DOCK4: variants seen among roughly 807,000 people sequenced by gnomAD.
DOCK4 encodes dedicator of cytokinesis protein 4.
A neutral mutation model predicts 268.1 loss-of-function variants in DOCK4; 97 were observed. The ratio of observed to expected loss-of-function variants is 0.36; its 90% confidence interval spans 0.31 to 0.43. The LOEUF is 0.43. Ranked by LOEUF, DOCK4 falls within the 20% of genes least tolerant of loss-of-function variation. The pLI is 1.00. For synonymous variants in DOCK4, 954 were observed against 887.2 expected, an observed-to-expected ratio of 1.08 and a Z score of -1.34; for missense variants, 2,145 against 2,455.7, an observed-to-expected ratio of 0.87 and a Z score of 2.67.
At chr7:112,155,893 A>G (rs1166973964) in intron 1 of DOCK4, among the ~76,000 whole-genome samples, 1 of 152,218 alleles carries the variant, frequency 6.6e-6, no homozygotes, top group African/African-American at 2.4e-5. Context: ...ACTGAACAGT[A>G]TATAGTGCAA....
intron 51 of DOCK4, among the ~76,000 whole-genome samples, chr7:111,733,078 GAGTC>G (rs1795214877): frequency 6.6e-6 from 1 of 152,174 alleles, no homozygotes; most frequent in African/African-American, 2.4e-5. Context: ...AACAGGGTGA[GAGTC>G]AGCCACATTT....
chr7:111,739,414 C>T lies in DOCK4; in HGVS notation c.5104G>A (p.Ala1702Thr). Residue 1702 changes from alanine to threonine, a missense_variant, in exon 48 of 53, where the codon GCT becomes ACT. Ala to Thr is a moderately conservative substitution (Grantham distance 58). Coordinates refer to ENST00000428084, the MANE Select transcript of DOCK4 (RefSeq NM_001363540.2). ...CACTGACCTCTGGCACTCGATGGAG[C>T]AGAACTTGTCACATTAGGTGAAGCC... is the stretch of plus-strand genomic sequence containing the variant. ...HSASPNVTSS[A>T]PSSARASPLL... is the part of the protein sequence containing the mutation. The T allele has an allele frequency of 6.3e-7, 1 of 1,585,554 alleles. No homozygotes were observed. The highest frequency in any genetic ancestry group is 8.6e-7 in the Non-Finnish European group (1 of 1,165,966).
intron 1 of DOCK4, among the ~76,000 whole-genome samples, chr7:112,125,268 C>T (rs955199910): frequency 6.6e-6 from 1 of 152,196 alleles, no homozygotes; most frequent in African/African-American, 2.4e-5. Flanking sequence ...GATCCCAAAC[C>T]CTCTCTATCA....
At chr7:111,956,719 C>T (rs1796480550) in intron 8 of DOCK4, among the ~76,000 whole-genome samples, 1 of 152,104 alleles carries the variant, frequency 6.6e-6, no homozygotes, top group Non-Finnish European at 1.5e-5. Context: ...ATGTGACCAC[C>T]TTCTTCTTTC....
At chr7:112,162,827 CT>C (rs1817252336) in intron 1 of DOCK4, among the ~76,000 whole-genome samples, 1 of 152,150 alleles carries the variant, frequency 6.6e-6, no homozygotes, top group Admixed American at 6.5e-5. Context: ...ACGATTTTAT[CT>C]TTTTTATCTA....
intron 8 of DOCK4, among the ~76,000 whole-genome samples, chr7:111,954,735 T>C (rs1026321588): frequency 6.6e-6 from 1 of 152,134 alleles, no homozygotes; most frequent in Non-Finnish European, 1.5e-5. Flanking sequence ...CGTCCTCACA[T>C]GGGGCTGATG....
intron 3 of DOCK4, among the ~76,000 whole-genome samples, chr7:111,998,871 C>T (rs1267323593): frequency 8.0e-6 from 1 of 125,736 alleles, no homozygotes; most frequent in East Asian, 2.9e-4. Flanking sequence ...AAAGGTTCTT[C>T]GTTTTGATGG....
intron 11 of DOCK4, 58 bp downstream of exon 11, chr7:111,940,052 T>G (rs1795080674): frequency 2.5e-6 from 4 of 1,579,832 alleles, no homozygotes; most frequent in Non-Finnish European, 3.5e-6. Flanking sequence ...TTCGCCCAAG[T>G]AGGACCCACA....
chr7:112,186,772 A>G (rs1040674268), intron 1 of DOCK4, among the ~76,000 whole-genome samples: 2 of 152,168 alleles, frequency 1.3e-5, no homozygotes, highest in African/African-American at 2.4e-5. Flanking sequence ...ATGCCACATA[A>G]TTTTCCTATG....
Position 111,945,719 on chromosome 7 carries a change from C to A in DOCK4, c.781G>T (p.Val261Leu). The A allele has an allele frequency of 1.3e-6, 2 of 1,592,984 alleles. No homozygotes were observed. Among genetic ancestry groups the A allele is most frequent in the Non-Finnish European group, 1.7e-6 (2 of 1,169,054 alleles). ...TGAATGAAACAAGATCCACTCACCACAAAGAGGGAGCAATGTCGTTCCGGT... is the reference window on the plus strand; with the variant it reads ...TGAATGAAACAAGATCCACTCACCAAAAAGAGGGAGCAATGTCGTTCCGGT... ...DKPERHCSLF[V>L]DLGSSELRKD... Residue 261 changes from valine (V) to leucine (L), a missense_variant and splice_region_variant, in exon 9 of 53, where the codon GTG (valine) becomes TTG (leucine). Physicochemically the swap from Val to Leu is conservative, Grantham distance 32 (BLOSUM62 1). Coordinates refer to ENST00000428084, the MANE Select transcript of DOCK4 (RefSeq NM_001363540.2).
At position 111,847,061 on chromosome 7, in the gene DOCK4, C is replaced by G. The variant is rs1804165798; in HGVS notation, c.2539G>C (p.Asp847His). Residue 847 changes from aspartate to histidine, a missense_variant, in exon 24 of 53, where the codon GAC becomes CAC. By Grantham distance (81) the Asp-to-His change is moderately conservative (BLOSUM62 -1). This residue lies in a region of DOCK4 where 1,598 missense variants were observed against 1,986.7 expected (regional missense o/e 0.80). Coordinates refer to ENST00000428084, the MANE Select transcript of DOCK4 (RefSeq NM_001363540.2). ...AGGATACGTGCACACATGATCAGGT[C>G]CTTCTGTTCTTGCAAGTGAATGTGG... ...HLHIHLQEQK[D>H]LIMCARILSN... 1 of 1,613,762 alleles carries G rather than the reference C, an allele frequency of 6.2e-7. No individual in the cohort carries two copies. The highest frequency in any genetic ancestry group is 1.7e-5 in the Admixed American group (1 of 60,012).
chr7:111,880,637 C>T (rs1807303191), intron 16 of DOCK4, among the ~76,000 whole-genome samples: 1 of 152,032 alleles, frequency 6.6e-6, no homozygotes, highest in African/African-American at 2.4e-5. Flanking sequence ...TCAAAAAGAA[C>T]AAAACTGGAG....
intron 16 of DOCK4, among the ~76,000 whole-genome samples, chr7:111,892,035 G>C (rs1808327300): frequency 6.6e-6 from 1 of 152,096 alleles, no homozygotes; most frequent in Non-Finnish European, 1.5e-5. Context: ...TTTCAGCCTA[G>C]ATTATGACTG....
intron 2 of DOCK4, among the ~76,000 whole-genome samples, chr7:112,001,222 T>C (rs2135297674): frequency 6.6e-6 from 1 of 152,326 alleles, no homozygotes; most frequent in Non-Finnish European, 1.5e-5. Flanking sequence ...GCGGTTTCAC[T>C]TTCCACGGTT....
chr7:112,204,694 A>G (rs1168374572), intron 1 of DOCK4, among the ~76,000 whole-genome samples: 1 of 152,104 alleles, frequency 6.6e-6, no homozygotes, highest in African/African-American at 2.4e-5. Context: ...GTTGAATCCT[A>G]CAGTCCTTTC....
intron 17 of DOCK4, among the ~76,000 whole-genome samples, chr7:111,873,564 G>C (rs1255419831): frequency 1.3e-5 from 2 of 152,128 alleles, no homozygotes; most frequent in African/African-American, 4.8e-5. Flanking sequence ...CAAATCACTT[G>C]TTTTAGCAGA....
chr7:111,932,653 A>G (rs1204996597), intron 12 of DOCK4, among the ~76,000 whole-genome samples: 1 of 152,190 alleles, frequency 6.6e-6, no homozygotes, highest in Admixed American at 6.5e-5. Flanking sequence ...ATTTATCCCA[A>G]TATATCCAAA....
chr7:112,163,058 T>G (rs935190550), intron 1 of DOCK4, among the ~76,000 whole-genome samples: 5 of 152,120 alleles, frequency 3.3e-5, no homozygotes, highest in Non-Finnish European at 5.9e-5. Context: ...ACAACAACTT[T>G]TAGGTGGGTT....
intron 1 of DOCK4, among the ~76,000 whole-genome samples, chr7:112,155,372 C>A (rs1816523177): frequency 6.6e-6 from 1 of 152,068 alleles, no homozygotes; most frequent in Non-Finnish European, 1.5e-5. Flanking sequence ...AATTTTGATT[C>A]CCACTAATTC....
Sources: allele counts gnomAD v4.1 joint callset (sites outside exome capture counted in the v4.1 genomes callset), GRCh38; gene constraint gnomAD v4.1.1; regional missense constraint gnomAD v4.1.1; transcripts MANE v1.5; gene names NCBI Gene and HGNC (gene_info 2026-07-23, HGNC 2026-07-21).